MGAT4C: variants seen among roughly 807,000 people sequenced by gnomAD.
The protein encoded by MGAT4C is MGAT4 family member C, also known as alpha-1,3-mannosyl-glycoprotein 4-beta-N-acetylglucosaminyltransferase C.
A neutral mutation model predicts 40.1 loss-of-function variants in MGAT4C; 19 were observed. The ratio of observed to expected loss-of-function variants is 0.47; its 90% CI spans 0.33 to 0.70. The LOEUF (loss-of-function observed/expected upper bound fraction) is 0.70, where lower values mean the gene tolerates loss of function less well. MGAT4C is among the 30% of genes least tolerant of loss of function. MGAT4C has a pLI of 0.02. For missense variants in MGAT4C, 491 were observed against 563.2 expected (o/e 0.87, Z 1.30); for synonymous variants, 181 against 187.1 (o/e 0.97, Z 0.27).
intron 1 of MGAT4C, among the ~76,000 whole-genome samples, chr12:86,239,676 C>T (rs1951695935): frequency 1.3e-5 from 2 of 151,946 alleles, no homozygotes; most frequent in African/African-American, 4.8e-5. Context: ...TAAGCTATAA[C>T]AATTAAGTCA....
intron 2 of MGAT4C, among the ~76,000 whole-genome samples, chr12:86,638,279 T>C (rs1472830678): frequency 6.6e-6 from 1 of 151,862 alleles, no homozygotes; most frequent in Non-Finnish European, 1.5e-5. Flanking sequence ...GGAGCTTTGT[T>C]GAGCAGGCAC....
intron 2 of MGAT4C, among the ~76,000 whole-genome samples, chr12:86,511,531 A>G (rs77169062): frequency 6.6e-6 from 1 of 152,174 alleles, no homozygotes; most frequent in East Asian, 1.9e-4. Context: ...TTCAAACAGC[A>G]TTGTACTAAT....
chr12:86,294,141 C>A lies in MGAT4C; in HGVS notation c.-57+39924G>T, dbSNP rs531325147. ...TTAAAAAACAATATTAAAAAAAAAACCACCTATGCAGTTCAACTGTAACTT... is the reference window on the plus strand; with the variant it reads ...TTAAAAAACAATATTAAAAAAAAAAACACCTATGCAGTTCAACTGTAACTT... On this transcript the variant is annotated intron_variant, in intron 4 of 7. Transcript: ENST00000548651. Among the ~76,000 whole-genome samples the A allele has an allele frequency of 3.8e-3, 523 of 136,894 alleles. 2 individuals carry two copies. Among genetic ancestry groups the A allele is most frequent in the African/African-American group, 0.013 (478 of 37,870 alleles). 89.8% of individuals were successfully genotyped at this position (136,894 alleles called of 152,430 possible). A position where few individuals can be genotyped will look rare whatever the true frequency, so the allele number is the denominator to read the frequency against.
chr12:86,763,328 C>T (rs983803268), intron 1 of MGAT4C, among the ~76,000 whole-genome samples: 2 of 152,112 alleles, frequency 1.3e-5, no homozygotes, highest in African/African-American at 4.8e-5. Context: ...TAAAACTTCC[C>T]CCACTTTACT....
At chr12:86,521,266 C>G (rs889998426) in intron 2 of MGAT4C, among the ~76,000 whole-genome samples, 1 of 152,034 alleles carries the variant, frequency 6.6e-6, no homozygotes, top group African/African-American at 2.4e-5. Context: ...AGAAAGGGGC[C>G]GACTTTCAAT....
At chr12:86,601,336 T>A (rs1480328210) in intron 2 of MGAT4C, 1 of 152,060 alleles carries the variant, frequency 6.6e-6, no homozygotes. Context: ...TGGAATGGTG[T>A]TTTTTTCAAG....
In MGAT4C at chr12:86,532,824, C is replaced by T. The variant is rs180761633; in HGVS notation, c.-228-97559G>A. ...TTAGTCATGATATTTTTACACTTTGCTTTATCATGTTTACTCACATAGAGA... is the reference window on the plus strand; with the variant it reads ...TTAGTCATGATATTTTTACACTTTGTTTTATCATGTTTACTCACATAGAGA... On this transcript the variant is annotated intron_variant, in intron 2 of 7. Coordinates refer to the MGAT4C transcript ENST00000548651. 4.6e-5 allele frequency among the ~76,000 whole-genome samples: 7 copies of T among 151,954 alleles called. No homozygotes were observed. In the East Asian group the frequency reaches 9.7e-4, roughly 21 times the overall value.
intron 4 of MGAT4C, among the ~76,000 whole-genome samples, chr12:86,303,639 T>C (rs1400004880): frequency 1.3e-5 from 2 of 150,190 alleles, no homozygotes; most frequent in South Asian, 2.1e-4. Flanking sequence ...TCAAGCTATG[T>C]AACCTTAAAT....
intron 2 of MGAT4C, among the ~76,000 whole-genome samples, chr12:86,574,178 G>C (rs1015964331): frequency 6.6e-6 from 1 of 151,474 alleles, no homozygotes; most frequent in Non-Finnish European, 1.5e-5. Flanking sequence ...CTATGCATTA[G>C]GATATTGAGA....
Position 86,815,550 on chromosome 12 carries a change from C to T in MGAT4C, c.-262+23116G>A, listed in dbSNP as rs888026743. On this transcript the variant is annotated intron_variant, in intron 1 of 7. Coordinates refer to the MGAT4C transcript ENST00000548651. The stretch of plus-strand genomic sequence containing the variant: ...TCAAAAAAAAAAATACATGTACACA[C>T]ATGCTTATAGTGACACAATTCACAA... Among the ~76,000 whole-genome samples the T allele has an allele frequency of 1.8e-4, 28 of 151,590 alleles. No homozygotes were observed. In the East Asian group the frequency reaches 5.4e-3, roughly 29 times the overall value.
chr12:86,008,224 G>C lies in MGAT4C; in HGVS notation c.-6-18672C>G, dbSNP rs559827061. On this transcript the variant is annotated intron_variant, in intron 2 of 4. Transcript: ENST00000611864. Reference sequence around the variant, plus strand: ...CCAATTTCTACTGAAAAACTATTTAGAATTTGAGAATTTGCTGGTTGTACA... The same window carrying C: ...CCAATTTCTACTGAAAAACTATTTACAATTTGAGAATTTGCTGGTTGTACA... Among the ~76,000 whole-genome samples the C allele has an allele frequency of 1.8e-3, 267 of 151,982 alleles. 1 individual carries two copies. Among genetic ancestry groups the C allele is most frequent in the Non-Finnish European group, 2.1e-3 (141 of 67,850 alleles).
At chr12:86,202,878 T>A (rs937774612) in intron 1 of MGAT4C, among the ~76,000 whole-genome samples, 3 of 152,154 alleles carry the variant, frequency 2.0e-5, no homozygotes, top group Non-Finnish European at 4.4e-5. Context: ...TTCTTTCATA[T>A]GTCCAAATTT....
At chr12:86,256,010 C>A (rs1952500378) in intron 1 of MGAT4C, among the ~76,000 whole-genome samples, 1 of 152,058 alleles carries the variant, frequency 6.6e-6, no homozygotes, top group Admixed American at 6.6e-5. Flanking sequence ...TAAAGCGAAG[C>A]CGGATTTACC....
intron 2 of MGAT4C, among the ~76,000 whole-genome samples, chr12:86,671,881 G>C (rs1964263629): frequency 6.6e-6 from 1 of 152,058 alleles, no homozygotes. Context: ...TTCAGTATTG[G>C]ACAGATGATG....
Position 86,519,722 on chromosome 12 carries a change from C to T in MGAT4C, c.-228-84457G>A, listed in dbSNP as rs573202847. On this transcript the variant is annotated intron_variant, in intron 2 of 7. Transcript: ENST00000548651. ...TATCTTCTTTTGAGAAATGTATGTT[C>T]AAATATTTTACCTATTTTTAAATCA... 2.6e-5 allele frequency among the ~76,000 whole-genome samples: 4 copies of T among 152,138 alleles called. No individual in the cohort carries two copies. In the South Asian group the frequency reaches 8.3e-4, roughly 32 times the overall value.
At chr12:86,370,606 C>G (rs1324541737) in intron 3 of MGAT4C, among the ~76,000 whole-genome samples, 1 of 151,872 alleles carries the variant, frequency 6.6e-6, no homozygotes, top group Non-Finnish European at 1.5e-5. Flanking sequence ...ATAGATTTAC[C>G]GATTTAAAAG....
chr12:86,405,513 T>A (rs1956446681), intron 3 of MGAT4C, among the ~76,000 whole-genome samples: 1 of 151,970 alleles, frequency 6.6e-6, no homozygotes, highest in African/African-American at 2.4e-5. Flanking sequence ...CACATTGGGT[T>A]TATGGATCAA....
intron 2 of MGAT4C, among the ~76,000 whole-genome samples, chr12:86,582,983 A>T (rs1330765527): frequency 6.6e-6 from 1 of 151,440 alleles, no homozygotes; most frequent in African/African-American, 2.4e-5. Flanking sequence ...AAACACAGAT[A>T]AGAAAATGGC....
intron 1 of MGAT4C, among the ~76,000 whole-genome samples, chr12:86,224,960 A>G (rs1164100130): frequency 6.6e-6 from 1 of 152,152 alleles, no homozygotes; most frequent in East Asian, 1.9e-4. Context: ...AAACCAAAAT[A>G]GAGAATTAAA....
Sources: allele counts gnomAD v4.1 joint callset (sites outside exome capture counted in the v4.1 genomes callset), GRCh38; gene constraint gnomAD v4.1.1; transcripts MANE v1.5; gene names NCBI Gene and HGNC (gene_info 2026-07-23, HGNC 2026-07-21).